The following CCDC158 variants were observed in gnomAD, a reference collection of about 807,000 sequenced individuals.
CCDC158 encodes coiled-coil domain-containing protein 158.
CCDC158 carries 116 observed loss-of-function variants against 138.6 expected under a neutral mutation model. The observed-to-expected ratio is 0.84, with a 90% confidence interval of 0.72 to 0.98. CCDC158 has a LOEUF of 0.98. Ranked by LOEUF, CCDC158 falls within the 50% of genes least tolerant of loss-of-function variation. The pLI is 0.00. For synonymous variants in CCDC158, 436 were observed against 442.4 expected, an observed-to-expected ratio of 0.99 and a Z score of 0.18; for missense variants, 1,265 against 1,306.1, an observed-to-expected ratio of 0.97 and a Z score of 0.48.
intron 24 of CCDC158, among the ~76,000 whole-genome samples, chr4:76,322,432 T>A (rs762658333): frequency 6.6e-6 from 1 of 152,198 alleles, no homozygotes; most frequent in Non-Finnish European, 1.5e-5. Context: ...CATTTCCCAA[T>A]GTTGTTGTGA....
chr4:76,354,420 G>T (rs533660821), intron 15 of CCDC158, among the ~76,000 whole-genome samples: 13 of 152,258 alleles, frequency 8.5e-5, no homozygotes, highest in African/African-American at 2.6e-4. Flanking sequence ...ATCATGGATA[G>T]TAAGTTAGCA....
chr4:76,343,061 A>G (rs1188572123), intron 18 of CCDC158, among the ~76,000 whole-genome samples: 1 of 152,132 alleles, frequency 6.6e-6, no homozygotes, highest in African/African-American at 2.4e-5. Context: ...AGGACTTTGG[A>G]CTCCATAGAG....
At chr4:76,383,227 A>T (rs1284479429) in intron 7 of CCDC158, among the ~76,000 whole-genome samples, 4 of 152,150 alleles carry the variant, frequency 2.6e-5, no homozygotes, top group Non-Finnish European at 5.9e-5. Context: ...AATCTTGCCA[A>T]GTCAGTTTAG....
chr4:76,346,028 G>C (rs1448224747), intron 18 of CCDC158, among the ~76,000 whole-genome samples: 1 of 152,136 alleles, frequency 6.6e-6, no homozygotes, highest in East Asian at 1.9e-4. Context: ...CATGGTACTG[G>C]TACCAAAACA....
chr4:76,402,618 A>G (rs1339214198), intron 3 of CCDC158, among the ~76,000 whole-genome samples: 1 of 98,586 alleles, frequency 1.0e-5, no homozygotes, highest in African/African-American at 2.9e-5. Flanking sequence ...CCAACTATTT[A>G]TTCCATCTGT....
intron 18 of CCDC158, among the ~76,000 whole-genome samples, chr4:76,343,358 T>C (rs1292407761): frequency 2.0e-5 from 3 of 152,182 alleles, no homozygotes; most frequent in African/African-American, 7.2e-5. Context: ...AAGCTTTGGA[T>C]AGCTTTTTAG....
intron 18 of CCDC158, among the ~76,000 whole-genome samples, chr4:76,338,130 C>T (rs1578901469): frequency 6.6e-6 from 1 of 152,308 alleles, no homozygotes; most frequent in Admixed American, 6.5e-5. Flanking sequence ...CTAGGTTGCA[C>T]ACTCCTTATG....
intron 24 of CCDC158, among the ~76,000 whole-genome samples, chr4:76,321,498 C>G (rs1007858146): frequency 6.6e-6 from 1 of 150,902 alleles, no homozygotes; most frequent in East Asian, 1.9e-4. Flanking sequence ...AATATGGAAC[C>G]AGCCTAAATG....
At chr4:76,348,334 C>T (rs1393109364) in intron 18 of CCDC158, among the ~76,000 whole-genome samples, 1 of 146,578 alleles carries the variant, frequency 6.8e-6, no homozygotes, top group Non-Finnish European at 1.5e-5. Context: ...ACTCGGGAGG[C>T]TGAGGCAGGA....
chr4:76,360,821 A>T (rs1410121800), intron 13 of CCDC158, among the ~76,000 whole-genome samples: 2 of 152,112 alleles, frequency 1.3e-5, no homozygotes, highest in Non-Finnish European at 2.9e-5. Context: ...TGGACTTTTG[A>T]GTTAATGCTG....
At chr4:76,330,001 A>G (rs1174323115) in intron 21 of CCDC158, among the ~76,000 whole-genome samples, 2 of 152,242 alleles carry the variant, frequency 1.3e-5, no homozygotes, top group Non-Finnish European at 2.9e-5. Flanking sequence ...CATAATAAAG[A>G]AAAAGTTATT....
chr4:76,331,191 C>T (rs1720973103), intron 21 of CCDC158, among the ~76,000 whole-genome samples, 153 bp downstream of exon 21: 1 of 152,160 alleles, frequency 6.6e-6, no homozygotes, highest in African/African-American at 2.4e-5. Flanking sequence ...CGATTGTAAG[C>T]AACTTGAGGA....
At chr4:76,399,304 C>T (rs1329817980) in intron 3 of CCDC158, among the ~76,000 whole-genome samples, 1 of 151,946 alleles carries the variant, frequency 6.6e-6, no homozygotes, top group Non-Finnish European at 1.5e-5. Context: ...CACACTGGGG[C>T]CTATTGGGTT....
intron 12 of CCDC158, among the ~76,000 whole-genome samples, chr4:76,366,876 G>C (rs1470691271): frequency 6.6e-6 from 1 of 152,018 alleles, no homozygotes; most frequent in Non-Finnish European, 1.5e-5. Flanking sequence ...ACAGGTTGTT[G>C]GGAGTTTTTT....
intron 18 of CCDC158, among the ~76,000 whole-genome samples, chr4:76,337,426 C>A (rs990132854): frequency 6.6e-6 from 1 of 152,138 alleles, no homozygotes; most frequent in Non-Finnish European, 1.5e-5. Context: ...GCAAAATACA[C>A]TTTTTAAAAT....
chr4:76,313,612 ATAATTGTAAAAGTAATAC>A (rs1719096660), intron 24 of CCDC158, among the ~76,000 whole-genome samples: 1 of 152,206 alleles, frequency 6.6e-6, no homozygotes, highest in Admixed American at 6.5e-5. Context: ...AATGGGCATG[ATAATTGTAAAAGTAATAC>A]TAATTGTAAA....
intron 17 of CCDC158, among the ~76,000 whole-genome samples, chr4:76,351,385 G>C (rs767519904): frequency 3.3e-5 from 5 of 152,020 alleles, no homozygotes; most frequent in Non-Finnish European, 5.9e-5. Context: ...TTAGGGTTTT[G>C]TACTCGCTTG....
chr4:76,366,062 G>A (rs1724625012), intron 12 of CCDC158, among the ~76,000 whole-genome samples: 1 of 152,120 alleles, frequency 6.6e-6, no homozygotes, highest in East Asian at 1.9e-4. Flanking sequence ...GTATAAGAGT[G>A]GGATTCTCCT....
chr4:76,342,596 T>G (rs1432462322), intron 18 of CCDC158, among the ~76,000 whole-genome samples: 1 of 152,182 alleles, frequency 6.6e-6, no homozygotes, highest in East Asian at 1.9e-4. Flanking sequence ...TGTAGAACAA[T>G]GTAAACAGTA....
Sources: gnomAD v4.1 joint callset for allele counts (sites outside exome capture counted in the v4.1 genomes callset) on GRCh38, gnomAD v4.1.1 for gene constraint, MANE v1.5 for transcripts, NCBI Gene and HGNC (gene_info 2026-07-23, HGNC 2026-07-21) for gene names.